C10orf90: variants seen among roughly 807,000 people sequenced by gnomAD.
C10orf90 encodes chromosome 10 open reading frame 90.
C10orf90 carries 56 observed loss-of-function variants against 62.5 expected under a neutral mutation model. The observed-to-expected ratio is 0.90, with a 90% CI of 0.72 to 1.12. The LOEUF (loss-of-function observed/expected upper bound fraction) is 1.12, where lower values mean the gene tolerates loss of function less well. Among genes scored for constraint, C10orf90 ranks in the 50% most tolerant of loss-of-function variants. The pLI, the probability that C10orf90 is intolerant of heterozygous loss-of-function variation, is 0.00. For missense variants in C10orf90, 970 were observed against 880.4 expected, an observed-to-expected ratio of 1.10 and a Z score of -1.29; for synonymous variants, 386 against 340.4, an observed-to-expected ratio of 1.13 and a Z score of -1.47.
At position 126,582,239 on chromosome 10, in the gene C10orf90, T is replaced by C. The variant is rs76165426; in HGVS notation, c.313+64326A>G. On this transcript the variant is annotated intron_variant, in intron 2 of 9. Transcript: ENST00000488181. ...AGCCATGGGTAGTACAGCACACCTG[T>C]GCTGAGAGTGTGCTAAGGGCACCTT... Among the ~76,000 whole-genome samples, 93 of 152,288 alleles carry C rather than the reference T, an allele frequency of 6.1e-4. 2 individuals are homozygous for C. The East Asian group carries it at 0.017, about 28-fold the overall frequency.
At chr10:126,612,728 T>C (rs1845464260) in intron 2 of C10orf90, among the ~76,000 whole-genome samples, 1 of 152,220 alleles carries the variant, frequency 6.6e-6, no homozygotes, top group Admixed American at 6.5e-5. Flanking sequence ...TACCCAAACC[T>C]GGATGTCTCA....
chr10:126,647,055 G>T lies in C10orf90; in HGVS notation c.241-418C>A, dbSNP rs77924918. 3.3e-5 allele frequency among the ~76,000 whole-genome samples: 5 copies of T among 152,208 alleles called. No individual in the cohort carries two copies. The East Asian group carries it at 7.7e-4, about 23-fold the overall frequency. On this transcript the variant is annotated intron_variant, in intron 1 of 9. Transcript: ENST00000488181. ...AGCTATGAGCCATTCAATTTCAGGC[G>T]TTTAGGACCCAGTGAAAACAAGCAG...
chr10:126,663,852 A>T (rs923849126), intron 1 of C10orf90, among the ~76,000 whole-genome samples: 1 of 152,256 alleles, frequency 6.6e-6, no homozygotes, highest in Admixed American at 6.5e-5. Context: ...GAATTCTCAG[A>T]AAGTTCTAAG....
intron 2 of C10orf90, among the ~76,000 whole-genome samples, chr10:126,587,583 T>A (rs1247639356): frequency 6.6e-6 from 1 of 152,100 alleles, no homozygotes; most frequent in East Asian, 1.9e-4. Context: ...AAAGACCCCA[T>A]CTCCCAATGC....
At chr10:126,576,666 T>TGG (rs1370178322) in intron 2 of C10orf90, among the ~76,000 whole-genome samples, 1 of 53,958 alleles carries the variant, frequency 1.9e-5, no homozygotes, top group Non-Finnish European at 3.7e-5. Context: ...TATGTATACA[T>TGG]ATATATGTAT....
At chr10:126,559,149 A>G (rs896894646) in intron 2 of C10orf90, among the ~76,000 whole-genome samples, 1 of 152,238 alleles carries the variant, frequency 6.6e-6, no homozygotes, top group African/African-American at 2.4e-5. Context: ...GTTTACAACC[A>G]CATTTATCCT....
At chr10:126,599,286 C>T (rs1393164075) in intron 2 of C10orf90, among the ~76,000 whole-genome samples, 3 of 151,164 alleles carry the variant, frequency 2.0e-5, no homozygotes, top group Admixed American at 6.6e-5. Context: ...CCCGGGTTCA[C>T]GCCATTCTCC....
At chr10:126,573,041 C>A (rs1844538969) in intron 2 of C10orf90, among the ~76,000 whole-genome samples, 1 of 152,138 alleles carries the variant, frequency 6.6e-6, no homozygotes, top group Non-Finnish European at 1.5e-5. Flanking sequence ...CAGACAACAA[C>A]CCCTCAGACA....
intron 1 of C10orf90, among the ~76,000 whole-genome samples, chr10:126,657,619 T>C (rs891207079): frequency 9.3e-5 from 14 of 150,900 alleles, no homozygotes; most frequent in African/African-American, 1.7e-4. Context: ...TTTTTTTTTT[T>C]CTTTTTTTTT....
At chr10:126,518,580 A>C (rs1863567468) in intron 2 of C10orf90, among the ~76,000 whole-genome samples, 1 of 152,136 alleles carries the variant, frequency 6.6e-6, no homozygotes, top group African/African-American at 2.4e-5. Context: ...GAGAGCCAGC[A>C]TGCTTTTATT....
At chr10:126,480,109 T>C (rs1176871554) in intron 4 of C10orf90, among the ~76,000 whole-genome samples, 1 of 152,224 alleles carries the variant, frequency 6.6e-6, no homozygotes, top group African/African-American at 2.4e-5. Flanking sequence ...TTTAAAAAGA[T>C]AAATTTATTT....
In C10orf90 at chr10:126,498,533, G is replaced by A. The variant is rs574599176; in HGVS notation, c.1534+5424C>T. Among the ~76,000 whole-genome samples the A allele has an allele frequency of 3.9e-5, 6 of 152,306 alleles. No individual in the cohort carries two copies. In the South Asian group the frequency reaches 1.2e-3, roughly 32 times the overall value. ...TTGACTTGTTTCAGAGCATTATGGA[G>A]TCACAGAGCGGAAAACGCAGACTGA... On this transcript the variant is annotated intron_variant, in intron 4 of 9. Transcript: ENST00000488181.
chr10:126,609,167 C>A (rs550885953), intron 2 of C10orf90, among the ~76,000 whole-genome samples: 8 of 152,298 alleles, frequency 5.3e-5, no homozygotes, highest in Admixed American at 3.3e-4. Context: ...CTTTGGGAGG[C>A]CAAGGTGGGC....
At chr10:126,431,099 T>C (rs994799919) in intron 7 of C10orf90, among the ~76,000 whole-genome samples, 8 of 152,182 alleles carry the variant, frequency 5.3e-5, no homozygotes, top group Non-Finnish European at 1.0e-4. Context: ...GAAAAAGAAA[T>C]TGGAATATTT....
intron 2 of C10orf90, among the ~76,000 whole-genome samples, chr10:126,621,656 C>T (rs575172293): frequency 1.3e-5 from 2 of 152,312 alleles, no homozygotes; most frequent in South Asian, 4.1e-4. Flanking sequence ...TTTTTAGTGG[C>T]ATCTGCCATG....
chr10:126,538,232 A>G (rs1864287989), intron 2 of C10orf90, among the ~76,000 whole-genome samples: 1 of 152,300 alleles, frequency 6.6e-6, no homozygotes, highest in Non-Finnish European at 1.5e-5. Flanking sequence ...TATGAGACTT[A>G]CTAACTGTCA....
At chr10:126,563,298 AC>A (rs1264919737) in intron 2 of C10orf90, among the ~76,000 whole-genome samples, 18 of 152,132 alleles carry the variant, frequency 1.2e-4, no homozygotes, top group Admixed American at 1.2e-3. Flanking sequence ...CTGGCCTGTG[AC>A]AGAATGAGCC....
intron 2 of C10orf90, among the ~76,000 whole-genome samples, chr10:126,596,278 G>C (rs1446887000): frequency 6.6e-6 from 1 of 151,704 alleles, no homozygotes; most frequent in African/African-American, 2.4e-5. Flanking sequence ...ACTCCAGCCT[G>C]GGTGACAGAG....
Position 126,606,493 on chromosome 10 carries a change from G to A in C10orf90, c.313+40072C>T, listed in dbSNP as rs374177636. ...CTATAAGTCGTTTATGCCATTTCTCGAAGTTATCCGGTGTGGGCTCTCCAA... is the reference window on the plus strand; with the variant it reads ...CTATAAGTCGTTTATGCCATTTCTCAAAGTTATCCGGTGTGGGCTCTCCAA... On this transcript the variant is annotated intron_variant, in intron 2 of 9. Coordinates refer to ENST00000488181, the MANE Select transcript of C10orf90 (RefSeq NM_001350921.2). 5.9e-5 allele frequency among the ~76,000 whole-genome samples: 9 copies of A among 152,160 alleles called. No homozygotes were observed. The South Asian group carries it at 1.2e-3, about 21-fold the overall frequency.
Sources: gnomAD v4.1 joint callset for allele counts (sites outside exome capture counted in the v4.1 genomes callset) on GRCh38, gnomAD v4.1.1 for gene constraint, MANE v1.5 for transcripts, NCBI Gene and HGNC (gene_info 2026-07-23, HGNC 2026-07-21) for gene names.